Variants in MSANTD4 observed in about 807,000 individuals in gnomAD.
The protein encoded by MSANTD4 is myb/SANT-like DNA-binding domain-containing protein 4.
A neutral mutation model predicts 34.3 loss-of-function variants in MSANTD4; 13 were observed. The ratio of observed to expected loss-of-function variants is 0.38; its 90% CI spans 0.25 to 0.60. The LOEUF is 0.60. MSANTD4 is among the 20% of genes least tolerant of loss of function. The pLI is 0.63. For synonymous variants in MSANTD4, 137 were observed against 145.2 expected (o/e 0.94, Z 0.41); for missense variants, 358 against 401.8 (o/e 0.89, Z 0.93).
rs1364870806 is a variant in MSANTD4 at position 106,010,471 on chromosome 11, A to T, written c.447T>A (p.Asp149Glu). ...TAATACTTACTTCAGGACTCTGCGG[A>T]TCCCTTTCTTCCTCTTCCACCTTGA... ...TEVKVEEEERDPQSPEFEIEE... is the reference protein window; with the variant it reads ...TEVKVEEEEREPQSPEFEIEE... The change falls in exon 2 of 3, where the codon GAT becomes GAA. Residue 149 changes from aspartate (D) to glutamate (E), a missense_variant. Physicochemically the swap from Asp to Glu is conservative, Grantham distance 45. Transcript: ENST00000301919. 1.9e-6 allele frequency: 3 copies of T among 1,613,330 alleles called. No individual in the cohort carries two copies. In the Middle Eastern group the frequency reaches 5.0e-4, roughly 266 times the overall value.
intron 1 of MSANTD4, among the ~76,000 whole-genome samples, chr11:106,016,266 T>C (rs1859844450): frequency 6.6e-6 from 1 of 152,216 alleles, no homozygotes; most frequent in Non-Finnish European, 1.5e-5. Flanking sequence ...AGCTTTCCTC[T>C]AGAGGTGACT....
chr11:106,012,803 C>T (rs146439642), intron 1 of MSANTD4, among the ~76,000 whole-genome samples: 79 of 152,332 alleles, frequency 5.2e-4, no homozygotes, highest in Middle Eastern at 3.4e-3. Flanking sequence ...ACATGCCTCA[C>T]TCTCTTATCT....
At chr11:106,010,162 A>G (rs777128813) in intron 2 of MSANTD4, 52 bp from the exon 3 acceptor site, 1 of 1,444,752 alleles carries the variant, frequency 6.9e-7, no homozygotes, top group Admixed American at 2.3e-5. Flanking sequence ...CTTTGTGGCA[A>G]TTTGTCTAAA....
intron 1 of MSANTD4, among the ~76,000 whole-genome samples, chr11:106,014,744 G>C (rs750113629): frequency 6.6e-6 from 1 of 152,038 alleles, no homozygotes; most frequent in Non-Finnish European, 1.5e-5. Context: ...GACTTTGTAC[G>C]TGTCTAATAA....
At chr11:106,020,102 T>C (rs1446101496) in intron 1 of MSANTD4, among the ~76,000 whole-genome samples, 1 of 152,194 alleles carries the variant, frequency 6.6e-6, no homozygotes. Flanking sequence ...GGATGAATAA[T>C]GCAAATATAC....
intron 1 of MSANTD4, among the ~76,000 whole-genome samples, chr11:106,019,894 G>A (rs970206905): frequency 3.3e-5 from 5 of 152,282 alleles, no homozygotes; most frequent in Non-Finnish European, 7.4e-5. Context: ...GATCTCCAGC[G>A]AATTACTTAA....
chr11:106,020,574 G>C (rs1225997474), intron 1 of MSANTD4, among the ~76,000 whole-genome samples: 1 of 152,160 alleles, frequency 6.6e-6, no homozygotes, highest in Non-Finnish European at 1.5e-5. Context: ...AAATCGCATT[G>C]TTGTAAATGT....
At position 106,010,785 on chromosome 11, in the gene MSANTD4, G is replaced by A; in HGVS notation, c.133C>T (p.Arg45Ter). ...TGTGCAATCTCTTCCCAAGCCATTCGCTTCATCACATTAATTGTTGTATTG... is the reference window on the plus strand; with the variant it reads ...TGTGCAATCTCTTCCCAAGCCATTCACTTCATCACATTAATTGTTGTATTG... ...QLNTTINVMK[R>*]MAWEEIAQCV... The change falls in exon 2 of 3, where the codon CGA becomes TGA. Residue 45 changes from arginine (R) to a stop codon, truncating the protein, a stop_gained. Coordinates refer to ENST00000301919, the MANE Select transcript of MSANTD4 (RefSeq NM_032424.3). LOFTEE classifies it high-confidence loss of function. 2 of 1,614,038 alleles carry A rather than the reference G, an allele frequency of 1.2e-6. No homozygotes were observed. The highest frequency in any genetic ancestry group is 1.7e-6 in the Non-Finnish European group (2 of 1,180,014).
chr11:106,018,280 T>A (rs1485362636), intron 1 of MSANTD4, among the ~76,000 whole-genome samples: 2 of 152,242 alleles, frequency 1.3e-5, no homozygotes, highest in African/African-American at 4.8e-5. Context: ...ATGTGTACTT[T>A]ACAGTTACAA....
At chr11:106,014,094 T>C (rs1859776235) in intron 1 of MSANTD4, among the ~76,000 whole-genome samples, 2 of 152,212 alleles carry the variant, frequency 1.3e-5, no homozygotes, top group Admixed American at 6.5e-5. Context: ...CTTGCTTCAT[T>C]TGCAAACATA....
At chr11:106,010,260 T>C in intron 2 of MSANTD4, 150 bp from the exon 3 acceptor site, 1 of 1,131,328 alleles carries the variant, frequency 8.8e-7, no homozygotes, top group South Asian at 1.7e-5. Flanking sequence ...TTGATGTCTG[T>C]AATACATATA....
In MSANTD4 at chr11:106,014,243, G is replaced by C. The variant is rs374982583; in HGVS notation, c.-150-3176C>G. 3.9e-5 allele frequency among the ~76,000 whole-genome samples: 6 copies of C among 152,188 alleles called. No homozygotes were observed. The South Asian group carries it at 6.2e-4, about 16-fold the overall frequency. On this transcript the variant is annotated intron_variant, in intron 1 of 2. Transcript: ENST00000301919. ...CCTTCCAGCAGGATAGGTCAAATTA[G>C]ACAATCTTATAACTGTAACCAATCA...
At position 106,009,777 on chromosome 11, in the gene MSANTD4, A is replaced by G; in HGVS notation, c.796T>C (p.Leu266=). Residue 266 remains leucine (L), a synonymous_variant, in exon 3 of 3, where the codon TTA becomes CTA. Transcript: ENST00000301919. Reference sequence around the variant, plus strand: ...GGTTTCTCTGAATTGACTATCTGTAACCTCAACTTTTCTCTTTCAATCTGC... The same window carrying G: ...GGTTTCTCTGAATTGACTATCTGTAGCCTCAACTTTTCTCTTTCAATCTGC... ...RLQIEREKLR[L]QIVNSEKPSL... 1 of 1,614,132 alleles carries G rather than the reference A, an allele frequency of 6.2e-7. No homozygotes were observed. Among genetic ancestry groups the G allele is most frequent in the Non-Finnish European group, 8.5e-7 (1 of 1,180,030 alleles).
intron 1 of MSANTD4, among the ~76,000 whole-genome samples, chr11:106,011,294 CT>C (rs1859682492): frequency 6.6e-6 from 1 of 152,188 alleles, no homozygotes; most frequent in Non-Finnish European, 1.5e-5. Context: ...TCATTCCTGA[CT>C]CCCTTCCTAC....
intron 1 of MSANTD4, among the ~76,000 whole-genome samples, chr11:106,012,828 C>G (rs12276384): frequency 0.012 from 1,756 of 152,256 alleles, 30 homozygotes; most frequent in African/African-American, 0.04. Context: ...TGAATTCAAG[C>G]CTTACATAAG....
intron 1 of MSANTD4, among the ~76,000 whole-genome samples, chr11:106,018,622 T>G (rs1859932591): frequency 1.3e-5 from 2 of 152,168 alleles, no homozygotes; most frequent in Non-Finnish European, 2.9e-5. Flanking sequence ...AAACTTCCTT[T>G]AGGAGATTAT....
rs538305619 is a variant in MSANTD4 at position 106,009,973 on chromosome 11, C to T, written c.600G>A (p.Glu200=). The stretch of plus-strand genomic sequence containing the variant: ...TCTCAATATTTACGAGCAAATGAGG[C>T]TCATCATATGCAGATCTAGATGGTG... ...NSTPSRSAYD[E]PHLLVNIEKQ... is the part of the protein sequence containing the mutation. The change falls in exon 3 of 3, where the codon GAG becomes GAA. Residue 200 remains glutamate (E), a synonymous_variant. Transcript: ENST00000301919. The T allele has an allele frequency of 6.2e-7, 1 of 1,611,720 alleles. No homozygotes were observed. The highest frequency in any genetic ancestry group is 1.1e-5 in the South Asian group (1 of 91,066).
chr11:106,013,767 C>T (rs1397790190), intron 1 of MSANTD4, among the ~76,000 whole-genome samples: 2 of 152,182 alleles, frequency 1.3e-5, no homozygotes, highest in African/African-American at 2.4e-5. Flanking sequence ...GAGGCTGAGG[C>T]ATGAGAATCG....
In MSANTD4 at chr11:106,009,865, C is replaced by G; in HGVS notation, c.708G>C (p.Glu236Asp). 6.2e-7 allele frequency: 1 copy of G among 1,613,822 alleles called. No individual in the cohort carries two copies. The highest frequency in any genetic ancestry group is 8.5e-7 in the Non-Finnish European group (1 of 1,179,968). Residue 236 changes from glutamate to aspartate, a missense_variant, in exon 3 of 3, where the codon GAG becomes GAC. Around this residue, in one of 2 missense-constraint regions of MSANTD4, gnomAD observed 312 missense variants for 317.6 expected, o/e 0.98. Coordinates refer to ENST00000301919, the MANE Select transcript of MSANTD4 (RefSeq NM_032424.3). The part of the protein sequence containing the change: ...LQVEKERLQI[E>D]KERLRHLDME... ...TGTCTAAATGCCGCAGCCTCTCTTTCTCGATTTGTAGGCGTTCCTTTTCTA... is the reference window on the plus strand; with the variant it reads ...TGTCTAAATGCCGCAGCCTCTCTTTGTCGATTTGTAGGCGTTCCTTTTCTA...
Sources: gnomAD v4.1 joint callset for allele counts (sites outside exome capture counted in the v4.1 genomes callset) on GRCh38, gnomAD v4.1.1 for gene constraint, gnomAD v4.1.1 regional missense constraint, MANE v1.5 for transcripts, NCBI Gene and HGNC (gene_info 2026-07-23, HGNC 2026-07-21) for gene names.